PIBF1: variants seen among roughly 807,000 people sequenced by gnomAD.
PIBF1 encodes the protein progesterone-induced-blocking factor 1.
PIBF1 carries 90 observed loss-of-function variants against 112.5 expected under a neutral mutation model. The observed-to-expected ratio is 0.80, with a 90% CI of 0.67 to 0.95. The LOEUF (loss-of-function observed/expected upper bound fraction) is 0.95, where lower values mean the gene tolerates loss of function less well. Ranked by LOEUF, PIBF1 falls within the 40% of genes least tolerant of loss-of-function variation. The pLI is 0.00. For synonymous variants in PIBF1, 301 were observed against 288.6 expected (o/e 1.04, Z -0.44); for missense variants, 915 against 852.3 (o/e 1.07, Z -0.92).
intron 11 of PIBF1, among the ~76,000 whole-genome samples, chr13:72,906,290 G>A (rs2040702231): frequency 6.6e-6 from 1 of 151,898 alleles, no homozygotes; most frequent in African/African-American, 2.4e-5. Flanking sequence ...TCTGTTTAAG[G>A]CAAAATTATA....
chr13:72,783,346 A>T, intron 1 of PIBF1, 77 bp from the exon 2 acceptor site: 1 of 672,348 alleles, frequency 1.5e-6, no homozygotes, highest in Non-Finnish European at 2.5e-6. Flanking sequence ...AGGAATCCTT[A>T]GTCTCTCTTT....
intron 11 of PIBF1, among the ~76,000 whole-genome samples, chr13:72,902,407 G>A (rs1004235858): frequency 1.1e-4 from 16 of 149,010 alleles, no homozygotes; most frequent in Non-Finnish European, 2.4e-4. Flanking sequence ...AATAAGGGCT[G>A]TGTGGCTTTA....
chr13:73,006,977 A>AT (rs2139048791), intron 17 of PIBF1, among the ~76,000 whole-genome samples: 1 of 151,822 alleles, frequency 6.6e-6, no homozygotes, highest in African/African-American at 2.4e-5. Flanking sequence ...TCCACTAACA[A>AT]TTTAAGGTTT....
chr13:72,910,396 A>G (rs1200951778), intron 12 of PIBF1, among the ~76,000 whole-genome samples: 1 of 152,058 alleles, frequency 6.6e-6, no homozygotes, highest in Non-Finnish European at 1.5e-5. Context: ...TCCATATCAT[A>G]TTATTGTTTT....
intron 14 of PIBF1, among the ~76,000 whole-genome samples, chr13:72,935,146 C>A (rs566331094): frequency 6.6e-6 from 1 of 152,008 alleles, no homozygotes; most frequent in Non-Finnish European, 1.5e-5. Flanking sequence ...CCACCATTCC[C>A]GGATAATTTT....
intron 8 of PIBF1, among the ~76,000 whole-genome samples, chr13:72,829,822 A>G (rs1486288436): frequency 1.3e-5 from 2 of 152,176 alleles, no homozygotes; most frequent in African/African-American, 4.8e-5. Context: ...GAAGAAGGTC[A>G]GTGGTAGCTT....
chr13:72,915,452 G>T (rs1244185713), intron 12 of PIBF1, among the ~76,000 whole-genome samples: 2 of 152,120 alleles, frequency 1.3e-5, no homozygotes, highest in Non-Finnish European at 2.9e-5. Context: ...TGCTAGAATA[G>T]TTATCCCATG....
intron 8 of PIBF1, among the ~76,000 whole-genome samples, chr13:72,829,810 G>A (rs983195225): frequency 2.0e-5 from 3 of 152,098 alleles, no homozygotes; most frequent in South Asian, 2.1e-4. Context: ...TTCCAATTCC[G>A]TGAAGAAGGT....
chr13:72,938,376 T>TC (rs1351033356), intron 14 of PIBF1, among the ~76,000 whole-genome samples: 11 of 152,048 alleles, frequency 7.2e-5, no homozygotes, highest in African/African-American at 2.7e-4. Flanking sequence ...TCCACCTCAG[T>TC]CCCCCACAAG....
chr13:72,998,398 C>G (rs1275157359), intron 16 of PIBF1, among the ~76,000 whole-genome samples: 1 of 152,006 alleles, frequency 6.6e-6, no homozygotes, highest in Non-Finnish European at 1.5e-5. Context: ...TGGCTTGAGC[C>G]CAGGAGGTAG....
chr13:72,950,439 T>G (rs2042265974), intron 14 of PIBF1, among the ~76,000 whole-genome samples: 1 of 152,220 alleles, frequency 6.6e-6, no homozygotes, highest in African/African-American at 2.4e-5. Context: ...GTTACATAGT[T>G]CTTGAGGAAC....
Position 72,903,047 on chromosome 13 carries a change from C to T in PIBF1, c.1489-5484C>T, listed in dbSNP as rs547209387. Among the ~76,000 whole-genome samples the T allele has an allele frequency of 9.9e-5, 15 of 152,094 alleles. No homozygotes were observed. In the South Asian group the frequency reaches 2.1e-3, roughly 21 times the overall value. On this transcript the variant is annotated intron_variant, in intron 11 of 17. Coordinates refer to ENST00000326291, the MANE Select transcript of PIBF1 (RefSeq NM_006346.4). ...AGTAGCTAAGATTACAGGCGTGCAC[C>T]ACCACGCCCAGCTAATGTTTTTATG...
intron 10 of PIBF1, among the ~76,000 whole-genome samples, chr13:72,875,346 A>G (rs1423308588): frequency 6.6e-6 from 1 of 152,342 alleles, no homozygotes; most frequent in East Asian, 1.9e-4. Flanking sequence ...GCAGTTATGA[A>G]TAAATCTGCT....
intron 8 of PIBF1, among the ~76,000 whole-genome samples, chr13:72,831,476 A>T (rs2037110161): frequency 6.6e-6 from 1 of 151,976 alleles, no homozygotes; most frequent in African/African-American, 2.4e-5. Context: ...CTTCATTCTC[A>T]TTGGTTTCAA....
rs541737821 is a variant in PIBF1, at chr13:73,000,832, T to C, written c.2223+1837T>C. Reference sequence around the variant, plus strand: ...TCAGTACATGAGTAACAATAAGATTTCCCCAGTACCTCCAGATAAGGTTAT... The same window carrying C: ...TCAGTACATGAGTAACAATAAGATTCCCCCAGTACCTCCAGATAAGGTTAT... On this transcript the variant is annotated intron_variant, in intron 17 of 17. Coordinates refer to ENST00000326291, the MANE Select transcript of PIBF1 (RefSeq NM_006346.4). 2.6e-5 allele frequency among the ~76,000 whole-genome samples: 4 copies of C among 152,286 alleles called. No homozygotes were observed. The East Asian group carries it at 7.7e-4, about 29-fold the overall frequency.
chr13:72,928,024 T>TATAAAC (rs1448630819), intron 13 of PIBF1, among the ~76,000 whole-genome samples: 1 of 69,372 alleles, frequency 1.4e-5, no homozygotes, highest in African/African-American at 5.0e-5. Context: ...TACATATATA[T>TATAAAC]ACATATATAT....
chr13:72,947,067 A>T (rs987883274), intron 14 of PIBF1, among the ~76,000 whole-genome samples: 4 of 152,238 alleles, frequency 2.6e-5, no homozygotes, highest in Admixed American at 2.6e-4. Flanking sequence ...GAGGTTCTCC[A>T]TGAGGGCTCT....
chr13:72,907,301 C>T (rs1306107859), intron 11 of PIBF1, among the ~76,000 whole-genome samples: 1 of 152,096 alleles, frequency 6.6e-6, no homozygotes, highest in African/African-American at 2.4e-5. Context: ...GGTCTTCCTT[C>T]TCCCTTTTTC....
At chr13:72,985,511 T>C (rs2043259911) in intron 16 of PIBF1, among the ~76,000 whole-genome samples, 2 of 150,648 alleles carry the variant, frequency 1.3e-5, no homozygotes, top group South Asian at 4.3e-4. Context: ...ACTACTGCAC[T>C]CCAGCGTGGG....
Sources: allele counts gnomAD v4.1 joint callset (sites outside exome capture counted in the v4.1 genomes callset), GRCh38; gene constraint gnomAD v4.1.1; transcripts MANE v1.5; gene names NCBI Gene and HGNC (gene_info 2026-07-23, HGNC 2026-07-21).